Variants in CNTNAP2 observed in about 807,000 individuals in gnomAD.
The protein encoded by CNTNAP2 is contactin-associated protein-like 2.
In CNTNAP2, 98 loss-of-function variants were observed where a neutral mutation model predicts 155.2. That is an observed-to-expected ratio of 0.63 (90% confidence interval 0.54 to 0.75). CNTNAP2 has a LOEUF of 0.75. CNTNAP2 is among the 30% of genes least tolerant of loss of function. The pLI is 0.00. For missense variants in CNTNAP2, 1,727 were observed against 1,688.1 expected (o/e 1.02, Z -0.40); for synonymous variants, 651 against 631.2 (o/e 1.03, Z -0.47).
chr7:148,049,178 G>C (rs1479796576), intron 15 of CNTNAP2, among the ~76,000 whole-genome samples: 1 of 152,188 alleles, frequency 6.6e-6, no homozygotes, highest in Admixed American at 6.5e-5. Context: ...TCATGCCATT[G>C]CACTGCAGCC....
At chr7:146,590,141 C>T (rs920594064) in intron 1 of CNTNAP2, among the ~76,000 whole-genome samples, 13 of 152,056 alleles carry the variant, frequency 8.5e-5, no homozygotes, top group Admixed American at 8.5e-4. Context: ...TCTGTTTGTT[C>T]GTTTGTTTTG....
intron 8 of CNTNAP2, among the ~76,000 whole-genome samples, chr7:147,218,121 C>A (rs1803315257): frequency 6.6e-6 from 1 of 151,778 alleles, no homozygotes; most frequent in Admixed American, 6.6e-5. Context: ...CTATTGATTT[C>A]TTATTTTCAA....
At chr7:147,959,333 T>C (rs537835238) in intron 14 of CNTNAP2, among the ~76,000 whole-genome samples, 2 of 152,098 alleles carry the variant, frequency 1.3e-5, no homozygotes, top group South Asian at 4.2e-4. Flanking sequence ...CAGATGTGGG[T>C]TGTCCAATGC....
intron 1 of CNTNAP2, among the ~76,000 whole-genome samples, chr7:146,496,663 CT>C (rs530279145): frequency 1.3e-5 from 2 of 152,114 alleles, no homozygotes; most frequent in East Asian, 3.9e-4. Flanking sequence ...TAAAAGCCTT[CT>C]TTTTTTTCCC....
At chr7:146,549,883 A>G (rs1318199850) in intron 1 of CNTNAP2, among the ~76,000 whole-genome samples, 1 of 152,088 alleles carries the variant, frequency 6.6e-6, no homozygotes, top group African/African-American at 2.4e-5. Context: ...TGTCAAGGAC[A>G]TCACACCTGC....
At chr7:147,538,910 A>C (rs965854597) in intron 11 of CNTNAP2, among the ~76,000 whole-genome samples, 1 of 152,090 alleles carries the variant, frequency 6.6e-6, no homozygotes, top group African/African-American at 2.4e-5. Flanking sequence ...TCAATGTAAG[A>C]AAAAAATTTT....
chr7:147,035,132 C>A (rs1307652485), intron 3 of CNTNAP2, among the ~76,000 whole-genome samples: 1 of 152,068 alleles, frequency 6.6e-6, no homozygotes, highest in Non-Finnish European at 1.5e-5. Flanking sequence ...CTATGAGGCA[C>A]CCTATGGAAC....
At chr7:147,542,155 T>C (rs895085359) in intron 11 of CNTNAP2, among the ~76,000 whole-genome samples, 1 of 152,178 alleles carries the variant, frequency 6.6e-6, no homozygotes, top group Admixed American at 6.5e-5. Flanking sequence ...TCCAATGCTA[T>C]AATAATCTAA....
intron 1 of CNTNAP2, among the ~76,000 whole-genome samples, chr7:146,213,929 A>G (rs919590529): frequency 6.6e-6 from 1 of 152,164 alleles, no homozygotes; most frequent in African/African-American, 2.4e-5. Context: ...TTGATTTTTC[A>G]TATAGATTAA....
chr7:147,999,950 G>A (rs1801869053), intron 15 of CNTNAP2, among the ~76,000 whole-genome samples: 1 of 152,116 alleles, frequency 6.6e-6, no homozygotes, highest in Non-Finnish European at 1.5e-5. Context: ...CAGTACTGTG[G>A]GAGAATAAAT....
At chr7:147,691,903 A>G in intron 13 of CNTNAP2, among the ~76,000 whole-genome samples, 1 of 152,094 alleles carries the variant, frequency 6.6e-6, no homozygotes. Context: ...ATTAGGGTTC[A>G]CCCTTGCTGT....
At chr7:147,291,765 A>G (rs1228250487) in intron 8 of CNTNAP2, among the ~76,000 whole-genome samples, 1 of 152,180 alleles carries the variant, frequency 6.6e-6, no homozygotes. Flanking sequence ...GCAATGCATG[A>G]GGGTTCAAAT....
chr7:148,224,221 A>AAAACCTAAG (rs572955762), intron 19 of CNTNAP2, among the ~76,000 whole-genome samples: 185 of 152,344 alleles, frequency 1.2e-3, no homozygotes, highest in African/African-American at 4.3e-3. Context: ...GCAGAGAGTA[A>AAAACCTAAG]AAACCTAAGA....
chr7:146,156,323 G>A (rs909727523), intron 1 of CNTNAP2, among the ~76,000 whole-genome samples: 1 of 152,124 alleles, frequency 6.6e-6, no homozygotes, highest in Non-Finnish European at 1.5e-5. Flanking sequence ...ATGTTTTAAT[G>A]TATAAGAGCA....
At chr7:146,902,033 G>A (rs1178062713) in intron 3 of CNTNAP2, among the ~76,000 whole-genome samples, 1 of 151,550 alleles carries the variant, frequency 6.6e-6, no homozygotes, top group Non-Finnish European at 1.5e-5. Context: ...CTGCCACCTC[G>A]CCCGGCTAAT....
intron 1 of CNTNAP2, among the ~76,000 whole-genome samples, chr7:146,247,258 T>C (rs1010035158): frequency 6.6e-6 from 1 of 152,134 alleles, no homozygotes; most frequent in Non-Finnish European, 1.5e-5. Flanking sequence ...AGCATTAACC[T>C]TGACTATGCC....
chr7:148,016,229 G>T (rs1311180428), intron 15 of CNTNAP2, among the ~76,000 whole-genome samples: 1 of 152,224 alleles, frequency 6.6e-6, no homozygotes, highest in Non-Finnish European at 1.5e-5. Context: ...CCCTCCTGGG[G>T]AAGTCTGTTT....
chr7:146,704,250 T>A (rs375173038), intron 1 of CNTNAP2, among the ~76,000 whole-genome samples: 1 of 152,134 alleles, frequency 6.6e-6, no homozygotes, highest in Admixed American at 6.6e-5. Context: ...GTCTCCAGTA[T>A]GCTACATGCG....
intron 13 of CNTNAP2, among the ~76,000 whole-genome samples, chr7:147,743,510 G>C (rs548743230): frequency 1.3e-5 from 2 of 152,056 alleles, no homozygotes; most frequent in African/African-American, 4.8e-5. Flanking sequence ...TGCTATCACT[G>C]TTCTCCCCTG....
Sources: allele counts gnomAD v4.1 joint callset (sites outside exome capture counted in the v4.1 genomes callset), GRCh38; gene constraint gnomAD v4.1.1; transcripts MANE v1.5; gene names NCBI Gene and HGNC (gene_info 2026-07-23, HGNC 2026-07-21).